The following CACNA2D3 variants were observed in gnomAD, a reference collection of about 807,000 sequenced individuals.
CACNA2D3 encodes calcium voltage-gated channel auxiliary subunit alpha2delta 3.
A neutral mutation model predicts 160.6 loss-of-function variants in CACNA2D3; 60 were observed. The observed-to-expected ratio is 0.37, with a 90% CI of 0.30 to 0.46. The LOEUF is 0.46. Among genes scored for constraint, CACNA2D3 ranks in the 20% least tolerant of loss-of-function variants. The pLI is 1.00. For synonymous variants in CACNA2D3, 558 were observed against 492.9 expected, an observed-to-expected ratio of 1.13 and a Z score of -1.75; for missense variants, 1,205 against 1,365.0, an observed-to-expected ratio of 0.88 and a Z score of 1.85.
intron 2 of CACNA2D3, among the ~76,000 whole-genome samples, chr3:54,250,532 C>A (rs748108641): frequency 6.6e-6 from 1 of 152,030 alleles, no homozygotes; most frequent in Non-Finnish European, 1.5e-5. Flanking sequence ...CTCCTGGGCT[C>A]AAGTGATCCT....
chr3:54,705,708 T>G (rs1700844885), intron 11 of CACNA2D3, among the ~76,000 whole-genome samples: 1 of 152,232 alleles, frequency 6.6e-6, no homozygotes, highest in South Asian at 2.1e-4. Context: ...CCCTGTTTGA[T>G]ATCTGATATA....
chr3:54,450,050 G>A (rs545887452), intron 4 of CACNA2D3, among the ~76,000 whole-genome samples: 3 of 151,530 alleles, frequency 2.0e-5, no homozygotes, highest in Admixed American at 6.6e-5. Context: ...TTTCTCACCC[G>A]TTGTAAGCTA....
intron 4 of CACNA2D3, among the ~76,000 whole-genome samples, chr3:54,472,948 C>T (rs532652488): frequency 2.0e-5 from 3 of 152,266 alleles, no homozygotes; most frequent in South Asian, 2.1e-4. Flanking sequence ...GTGAAAACGG[C>T]CATAATGCCC....
chr3:54,260,103 G>T (rs1211725057), intron 2 of CACNA2D3, among the ~76,000 whole-genome samples: 1 of 152,180 alleles, frequency 6.6e-6, no homozygotes, highest in African/African-American at 2.4e-5. Context: ...AATGGAACAA[G>T]ATGTGACAAA....
At chr3:54,354,362 A>G (rs1332927866) in intron 3 of CACNA2D3, among the ~76,000 whole-genome samples, 3 of 152,178 alleles carry the variant, frequency 2.0e-5, no homozygotes, top group African/African-American at 7.2e-5. Context: ...ACATGGGCAA[A>G]AGTCAACAAG....
chr3:55,037,298 TAAAACACAA>T (rs1488243265), intron 35 of CACNA2D3, among the ~76,000 whole-genome samples: 2 of 152,196 alleles, frequency 1.3e-5, no homozygotes, highest in Non-Finnish European at 2.9e-5. Flanking sequence ...GAGATGTGGT[TAAAACACAA>T]CTGGCTCAGA....
At chr3:54,657,500 CTT>C (rs1391615242) in intron 11 of CACNA2D3, among the ~76,000 whole-genome samples, 4 of 152,134 alleles carry the variant, frequency 2.6e-5, no homozygotes, top group Non-Finnish European at 4.4e-5. Context: ...ATAACGGTAA[CTT>C]TATACACATT....
At position 55,073,800 on chromosome 3, in the gene CACNA2D3, C is replaced by T. The variant is rs748104927; in HGVS notation, c.3124C>T (p.Arg1042Cys). The T allele has an allele frequency of 5.0e-6, 8 of 1,613,238 alleles. No individual in the cohort carries two copies. Among genetic ancestry groups the T allele is most frequent in the East Asian group, 2.2e-5 (1 of 44,876 alleles). Residue 1042 changes from arginine to cysteine, a missense_variant, in exon 37 of 38, where the codon CGT becomes TGT. Physicochemically the swap from Arg to Cys is radical, Grantham distance 180 (BLOSUM62 -3). Coordinates refer to ENST00000474759, the MANE Select transcript of CACNA2D3 (RefSeq NM_018398.3). ...ACATAATGAATCCCTTAAGTGTGAA[C>T]GTCTAAAGGCCCAGAAGATCAGAAG... is the stretch of plus-strand genomic sequence containing the variant. ...IRYNESLKCE[R>C]LKAQKIRRRP...
At chr3:54,308,511 C>T (rs1425627507) in intron 2 of CACNA2D3, among the ~76,000 whole-genome samples, 4 of 152,138 alleles carry the variant, frequency 2.6e-5, no homozygotes, top group African/African-American at 9.7e-5. Context: ...GATCCTGGGT[C>T]CCTGAGTCAC....
intron 2 of CACNA2D3, among the ~76,000 whole-genome samples, chr3:54,279,597 A>G (rs981364614): frequency 6.6e-6 from 1 of 152,158 alleles, no homozygotes. Context: ...ATTTTCAAGA[A>G]CTTTCCATCT....
intron 4 of CACNA2D3, among the ~76,000 whole-genome samples, chr3:54,466,452 A>G (rs377433260): frequency 1.3e-5 from 2 of 152,306 alleles, no homozygotes; most frequent in East Asian, 1.9e-4. Flanking sequence ...ACAAAACAGT[A>G]ATTATGCTGA....
intron 4 of CACNA2D3, among the ~76,000 whole-genome samples, chr3:54,405,198 C>G (rs960967447): frequency 6.8e-6 from 1 of 147,636 alleles, no homozygotes; most frequent in Non-Finnish European, 1.5e-5. Context: ...TGGCATTCTT[C>G]ACATAAATGT....
chr3:54,915,659 A>G (rs867237016), intron 27 of CACNA2D3, among the ~76,000 whole-genome samples: 5 of 152,208 alleles, frequency 3.3e-5, no homozygotes, highest in African/African-American at 1.2e-4. Context: ...TTACAGTTAA[A>G]ACATTTCATT....
chr3:54,310,496 C>T (rs1054185863), intron 2 of CACNA2D3, among the ~76,000 whole-genome samples: 1 of 152,124 alleles, frequency 6.6e-6, no homozygotes, highest in Non-Finnish European at 1.5e-5. Context: ...CTCTGCCCCC[C>T]CAATACACAC....
intron 3 of CACNA2D3, among the ~76,000 whole-genome samples, chr3:54,347,246 G>C (rs891984666): frequency 2.0e-5 from 3 of 152,190 alleles, no homozygotes; most frequent in Non-Finnish European, 2.9e-5. Flanking sequence ...GGGAGGGAGT[G>C]GCTCAGGCCA....
chr3:54,370,407 A>G (rs1698904372), intron 3 of CACNA2D3, among the ~76,000 whole-genome samples: 2 of 152,244 alleles, frequency 1.3e-5, no homozygotes, highest in Admixed American at 6.5e-5. Context: ...CATCTAGTTA[A>G]TCTGAAATGG....
chr3:54,489,818 G>A (rs1324788002), intron 4 of CACNA2D3, among the ~76,000 whole-genome samples: 1 of 152,160 alleles, frequency 6.6e-6, no homozygotes, highest in African/African-American at 2.4e-5. Flanking sequence ...CTGGAAGAGG[G>A]CTATTCATTA....
At chr3:54,687,121 C>CTTTTTCTTTTTTTTTTTTTTTT in intron 11 of CACNA2D3, among the ~76,000 whole-genome samples, 1 of 94,932 alleles carries the variant, frequency 1.1e-5, no homozygotes, top group Non-Finnish European at 2.1e-5. Context: ...TTTTCTTTTT[C>CTTTTTCTTTTTTTTTTTTTTTT]TTTTTTTTTT....
chr3:54,195,795 T>C (rs2107343196), intron 2 of CACNA2D3, among the ~76,000 whole-genome samples: 1 of 152,266 alleles, frequency 6.6e-6, no homozygotes, highest in Non-Finnish European at 1.5e-5. Context: ...CATCCTTCAG[T>C]GTGTACAGCA....
Sources: allele counts gnomAD v4.1 joint callset (sites outside exome capture counted in the v4.1 genomes callset), GRCh38; gene constraint gnomAD v4.1.1; transcripts MANE v1.5; gene names NCBI Gene and HGNC (gene_info 2026-07-23, HGNC 2026-07-21).